The following SETD4 variants were observed in gnomAD, a reference collection of about 807,000 sequenced individuals.
SETD4 encodes the protein SET domain-containing protein 4.
SETD4 carries 46 observed loss-of-function variants against 58.3 expected under a neutral mutation model. The ratio of observed to expected loss-of-function variants is 0.79; its 90% confidence interval spans 0.62 to 1.01. The LOEUF (loss-of-function observed/expected upper bound fraction) is 1.01, where lower values mean the gene tolerates loss of function less well. Ranked by LOEUF, SETD4 falls within the 50% of genes least tolerant of loss-of-function variation. The pLI is 0.00. For missense variants in SETD4, 490 were observed against 523.3 expected (o/e 0.94, Z 0.62); for synonymous variants, 190 against 202.6 (o/e 0.94, Z 0.53).
At chr21:36,038,314 T>G (rs1219978350) in intron 9 of SETD4, 41 bp from the exon 10 acceptor site, 1 of 1,599,406 alleles carries the variant, frequency 6.3e-7, no homozygotes, top group East Asian at 2.2e-5. Context: ...TAGCAGGCTC[T>G]CAAAAAACAG....
rs531307263 is a variant in SETD4, at chr21:36,042,132, C to G, written c.902-244G>C. ...AACACGCATAACCTCAGCTCCTGCTCCCACTAAGTAAATCCACCAAAAACA... is the reference window on the plus strand; with the variant it reads ...AACACGCATAACCTCAGCTCCTGCTGCCACTAAGTAAATCCACCAAAAACA... On this transcript the variant is annotated intron_variant, in intron 7 of 11. Coordinates refer to ENST00000332131, the MANE Select transcript of SETD4 (RefSeq NM_017438.5). 2.2e-5 allele frequency: 6 copies of G among 271,666 alleles called. No individual in the cohort carries two copies. In the South Asian group the frequency reaches 3.9e-4, roughly 17 times the overall value. 16.8% of individuals were successfully genotyped at this position (271,666 alleles called of 1,614,324 possible).
At chr21:36,053,483 G>A (rs2064818082) in intron 4 of SETD4, 100 bp downstream of exon 4, 2 of 1,132,318 alleles carry the variant, frequency 1.8e-6, no homozygotes, top group Non-Finnish European at 1.3e-6. Context: ...AGTAAGAAAT[G>A]ACTGTATGTC....
At chr21:36,038,559 A>C (rs1271797096) in intron 9 of SETD4, among the ~76,000 whole-genome samples, 1 of 152,140 alleles carries the variant, frequency 6.6e-6, no homozygotes, top group Non-Finnish European at 1.5e-5. Flanking sequence ...TGTCTGACCC[A>C]TGAGTGAATG....
intron 5 of SETD4, among the ~76,000 whole-genome samples, chr21:36,047,635 T>A (rs1172489810): frequency 6.6e-6 from 1 of 151,964 alleles, no homozygotes; most frequent in Admixed American, 6.6e-5. Flanking sequence ...GATCGGGATA[T>A]CATACCCACA....
At chr21:36,059,160 C>G (rs1451327061) in intron 1 of SETD4, 1 of 318,694 alleles carries the variant, frequency 3.1e-6, no homozygotes, top group African/African-American at 2.2e-5. Flanking sequence ...ATATCAGTCC[C>G]TCTAAAACAG....
intron 4 of SETD4, chr21:36,050,530 G>A (rs778910212): frequency 4.5e-5 from 73 of 1,613,732 alleles, no homozygotes; most frequent in Non-Finnish European, 5.8e-5. Flanking sequence ...TTAATGAACC[G>A]ACTTCAAGCC....
At chr21:36,036,733 A>C in intron 10 of SETD4, 1 of 660,820 alleles carries the variant, frequency 1.5e-6, no homozygotes, top group South Asian at 6.8e-5. Flanking sequence ...AGTAACTTTT[A>C]CTTTTTGCCT....
At chr21:36,059,902 G>A in intron 1 of SETD4, 1 of 985,342 alleles carries the variant, frequency 1.0e-6, no homozygotes, top group Non-Finnish European at 1.2e-6. Flanking sequence ...TCCACAGACC[G>A]CGCCGGGAAG....
At chr21:36,052,780 C>G (rs2064782638) in intron 4 of SETD4, 1 of 152,120 alleles carries the variant, frequency 6.6e-6, no homozygotes, top group Non-Finnish European at 1.5e-5. Flanking sequence ...TGGAGGCTGT[C>G]ATTTACTTCC....
chr21:36,050,555 T>C, intron 4 of SETD4: 1 of 1,613,576 alleles, frequency 6.2e-7, no homozygotes, highest in Non-Finnish European at 8.5e-7. Flanking sequence ...TGAACTGCGT[T>C]AATAAGTTCT....
At chr21:36,057,065 C>T in intron 3 of SETD4, 44 bp downstream of exon 3, 1 of 1,512,608 alleles carries the variant, frequency 6.6e-7, no homozygotes, top group South Asian at 1.1e-5. Context: ...GTCTACCTGG[C>T]TCTCGTGTGG....
chr21:36,046,914 C>T (rs1301668804), intron 5 of SETD4, among the ~76,000 whole-genome samples: 1 of 152,166 alleles, frequency 6.6e-6, no homozygotes, highest in Non-Finnish European at 1.5e-5. Flanking sequence ...TCACTCTCTT[C>T]CAAAAACATG....
chr21:36,045,899 A>T lies in SETD4; in HGVS notation c.409T>A (p.Tyr137Asn). The T allele has an allele frequency of 6.2e-7, 1 of 1,614,220 alleles. No homozygotes were observed. The highest frequency in any genetic ancestry group is 1.1e-5 in the South Asian group (1 of 91,092). The change falls in exon 6 of 12, where the codon TAT becomes AAT. Residue 137 changes from tyrosine (Y) to asparagine (N), a missense_variant. Transcript: ENST00000332131. ...GGCTCCAAACAAACAGGGCAGGTAT[A>T]CGCCTTGGGTAAAATCTCCAGGTAA... ...KPYLEILPKAYTCPVCLEPEV... is the reference protein window; with the variant it reads ...KPYLEILPKANTCPVCLEPEV...
intron 3 of SETD4, 70 bp from the exon 4 acceptor site, chr21:36,053,690 G>GAA: frequency 3.0e-5 from 37 of 1,237,932 alleles, no homozygotes; most frequent in Non-Finnish European, 3.6e-5. Flanking sequence ...AACTATTATG[G>GAA]AAAAAAAAAA....
chr21:36,045,802 A>T lies in SETD4; in HGVS notation c.506T>A (p.Phe169Tyr). The stretch of plus-strand genomic sequence containing the variant: ...GAAAAAGTCTCTGGAGGAAGCAAAG[A>T]ACTCCTGCACGTGGGCTCTCTGCTC... ...AEEQRAHVQEFFASSRDFFSS... is the reference protein window; with the variant it reads ...AEEQRAHVQEYFASSRDFFSS... Residue 169 changes from phenylalanine (F) to tyrosine (Y), a missense_variant, in exon 6 of 12, where the codon TTC (phenylalanine) becomes TAC (tyrosine). By Grantham distance (22) the Phe-to-Tyr change is conservative. Transcript: ENST00000332131. 6.2e-7 allele frequency: 1 copy of T among 1,614,190 alleles called. No individual in the cohort carries two copies. The highest frequency in any genetic ancestry group is 8.5e-7 in the Non-Finnish European group (1 of 1,180,042).
At chr21:36,043,514 T>C in intron 7 of SETD4, 1 of 1,287,508 alleles carries the variant, frequency 7.8e-7, no homozygotes. Flanking sequence ...ACTGTATTTA[T>C]TTCCTTAGCA....
At chr21:36,058,077 G>C (rs1455798921) in intron 2 of SETD4, among the ~76,000 whole-genome samples, 2 of 152,192 alleles carry the variant, frequency 1.3e-5, no homozygotes, top group Non-Finnish European at 2.9e-5. Flanking sequence ...TGAAGGTCAA[G>C]ACCAGAAAAA....
intron 9 of SETD4, among the ~76,000 whole-genome samples, chr21:36,038,580 C>A (rs538749908): frequency 1.1e-4 from 16 of 152,264 alleles, no homozygotes; most frequent in African/African-American, 3.8e-4. Context: ...AAGTCCCGTT[C>A]CCGGCCATGG....
chr21:36,051,367 T>C (rs1271615787), intron 4 of SETD4: 2 of 1,531,314 alleles, frequency 1.3e-6, no homozygotes, highest in Non-Finnish European at 1.8e-6. Context: ...ATCAAACTAC[T>C]GGTGGACTGA....
Sources: allele counts gnomAD v4.1 joint callset (sites outside exome capture counted in the v4.1 genomes callset), GRCh38; gene constraint gnomAD v4.1.1; transcripts MANE v1.5; gene names NCBI Gene and HGNC (gene_info 2026-07-23, HGNC 2026-07-21).